The following FA2H variants were observed in gnomAD, a reference collection of about 807,000 sequenced individuals.
FA2H encodes fatty acid 2-hydroxylase.
FA2H carries 22 observed loss-of-function variants against 44.9 expected under a neutral mutation model. The ratio of observed to expected loss-of-function variants is 0.49; its 90% CI spans 0.35 to 0.70. The LOEUF is 0.70. FA2H is among the 30% of genes least tolerant of loss of function. The pLI is 0.01. For synonymous variants in FA2H, 243 were observed against 213.2 expected (o/e 1.14, Z -1.22); for missense variants, 501 against 504.9 (o/e 0.99, Z 0.07).
chr16:74,727,620 C>A (rs1961987074), intron 2 of FA2H, among the ~76,000 whole-genome samples: 1 of 152,210 alleles, frequency 6.6e-6, no homozygotes, highest in South Asian at 2.1e-4. Context: ...GTGTGATGAG[C>A]CATCAGATGA....
chr16:74,738,616 A>C (rs1036926309), intron 2 of FA2H, among the ~76,000 whole-genome samples: 1 of 152,120 alleles, frequency 6.6e-6, no homozygotes, highest in Non-Finnish European at 1.5e-5. Context: ...AAGCTCACAG[A>C]TGCCTCTCTC....
intron 1 of FA2H, among the ~76,000 whole-genome samples, chr16:74,740,964 C>T (rs142746605): frequency 1.2e-4 from 19 of 152,318 alleles, no homozygotes; most frequent in Admixed American, 3.3e-4. Flanking sequence ...GCAGCAACAC[C>T]CGAGTGCCAG....
chr16:74,773,317 T>A (rs759743335), intron 1 of FA2H, among the ~76,000 whole-genome samples: 5 of 151,768 alleles, frequency 3.3e-5, no homozygotes, highest in Non-Finnish European at 7.4e-5. Flanking sequence ...AATCTCTTCC[T>A]ATTGTTCTTA....
At chr16:74,754,087 G>A (rs75188585) in intron 1 of FA2H, among the ~76,000 whole-genome samples, 4,802 of 152,260 alleles carry the variant, frequency 0.032, 122 homozygotes, top group East Asian at 0.13. Flanking sequence ...TTGAGTGGCA[G>A]AAGTTGTTTA....
intron 1 of FA2H, among the ~76,000 whole-genome samples, chr16:74,755,072 T>G (rs1421523767): frequency 6.6e-6 from 1 of 152,004 alleles, no homozygotes; most frequent in Non-Finnish European, 1.5e-5. Flanking sequence ...AAGTGGATTC[T>G]TCCTCGCAGC....
chr16:74,774,601 G>A lies in FA2H; in HGVS notation c.155C>T (p.Ala52Val). 5.9e-6 allele frequency: 9 copies of A among 1,524,674 alleles called. No individual in the cohort carries two copies. The highest frequency in any genetic ancestry group is 7.9e-6 in the Non-Finnish European group (9 of 1,145,074). 94.4% of individuals were successfully genotyped at this position (1,524,674 alleles called of 1,614,324 possible). Reference protein sequence around the residue: ...HHPGGEQLLRARAGQDISADL... With the variant: ...HHPGGEQLLRVRAGQDISADL... ...GGCGCTGATGTCCTGGCCCGCCCTG[G>A]CCCGCAGCAGCTGCTCGCCCCCCGG... The change falls in exon 1 of 7, where the codon GCC becomes GTC. Residue 52 changes from alanine to valine, a missense_variant. By Grantham distance (64) the Ala-to-Val change is moderately conservative (BLOSUM62 0). Transcript: ENST00000219368.
chr16:74,774,538 G>A lies in FA2H; in HGVS notation c.218C>T (p.Ala73Val). The A allele has an allele frequency of 6.5e-7, 1 of 1,545,986 alleles. No individual in the cohort carries two copies. Residue 73 changes from alanine to valine, a missense_variant, in exon 1 of 7, where the codon GCG (alanine) becomes GTG (valine). Coordinates refer to ENST00000219368, the MANE Select transcript of FA2H (RefSeq NM_024306.5). ...DGPPHRHSANARRWLEQYYVG... is the reference protein window; with the variant it reads ...DGPPHRHSANVRRWLEQYYVG... ...GTAGTACTGCTCCAGCCAGCGGCGCGCGTTGGCCGAGTGCCTGTGCGGCGG... is the reference window on the plus strand; with the variant it reads ...GTAGTACTGCTCCAGCCAGCGGCGCACGTTGGCCGAGTGCCTGTGCGGCGG...
chr16:74,739,998 C>CCCCACT, intron 2 of FA2H, 25 bp downstream of exon 2: 1 of 1,563,846 alleles, frequency 6.4e-7, no homozygotes, highest in Non-Finnish European at 8.8e-7. Context: ...CCAGTCATCA[C>CCCCACT]CCCACTCCAT....
Position 74,714,069 on chromosome 16 carries a change from G to A in FA2H, c.*121C>T. The A allele has an allele frequency of 7.3e-6, 5 of 687,534 alleles. No individual in the cohort carries two copies. Among genetic ancestry groups the A allele is most frequent in the South Asian group, 6.7e-5 (4 of 59,752 alleles). 42.6% of individuals were successfully genotyped at this position (687,534 alleles called of 1,614,324 possible). A position where few individuals can be genotyped will look rare whatever the true frequency, so the allele number is the denominator to read the frequency against. On this transcript the variant is annotated 3_prime_UTR_variant, in exon 7 of 7. Transcript: ENST00000219368. ...CCTCAGCACCTTCCACTAGGCTGCA[G>A]GGCCGGACACAGCCCATCCTGCCTG... is the stretch of plus-strand genomic sequence containing the variant.
In FA2H at chr16:74,762,617, G is replaced by T. The variant is rs141813828; in HGVS notation, c.270+11869C>A. ...ACGATCTTGGCTCACTGCAACCTCC[G>T]CCTCCCTGGTTCAAGAATTTTCCTG... is the stretch of plus-strand genomic sequence containing the variant. On this transcript the variant is annotated intron_variant, in intron 1 of 6. Coordinates refer to ENST00000219368, the MANE Select transcript of FA2H (RefSeq NM_024306.5). 1.3e-3 allele frequency among the ~76,000 whole-genome samples: 200 copies of T among 152,154 alleles called. 4 individuals carry two copies. Among genetic ancestry groups the T allele is most frequent in the East Asian group, 0.012 (61 of 5,174 alleles).
intron 1 of FA2H, among the ~76,000 whole-genome samples, chr16:74,748,130 C>T (rs1410321979): frequency 6.6e-6 from 1 of 152,156 alleles, no homozygotes; most frequent in Non-Finnish European, 1.5e-5. Flanking sequence ...CAAATAGGTC[C>T]GTTCCTAGCC....
chr16:74,758,117 CT>C lies in FA2H; in HGVS notation c.270+16368del, dbSNP rs71378706. ...GGACTAGAGTGAGAGGGAAACAATTCTTTTTTTTTTTTTTTTTTTTTGAGAC... is the reference window on the plus strand; with the variant it reads ...GGACTAGAGTGAGAGGGAAACAATTCTTTTTTTTTTTTTTTTTTTTGAGAC... On this transcript the variant is annotated intron_variant, in intron 1 of 6. Coordinates refer to ENST00000219368, the MANE Select transcript of FA2H (RefSeq NM_024306.5). Among the ~76,000 whole-genome samples, 749 of 113,532 alleles carry C rather than the reference CT, an allele frequency of 6.6e-3. 6 individuals carry two copies. Among genetic ancestry groups the C allele is most frequent in the African/African-American group, 0.021 (581 of 27,620 alleles). The allele number at this position is 113,532 out of a possible 152,430, so 74.5% of individuals were successfully genotyped here. A position where few individuals can be genotyped will look rare whatever the true frequency, so the allele number is the denominator to read the frequency against.
intron 2 of FA2H, among the ~76,000 whole-genome samples, chr16:74,733,524 G>C (rs1962120038): frequency 6.6e-6 from 1 of 152,132 alleles, no homozygotes; most frequent in African/African-American, 2.4e-5. Context: ...CCTTGATTTA[G>C]GTGGTACATG....
chr16:74,716,713 G>A lies in FA2H; in HGVS notation c.787-114C>T, dbSNP rs912602937. ...CACAGCGGCCCAGACATTCCACTGC[G>A]TAGGCTTGGCACCTTTGGTGGCTTT... On this transcript the variant is annotated intron_variant, in intron 5 of 6. Transcript: ENST00000219368. 92 of 1,253,424 alleles carry A rather than the reference G, an allele frequency of 7.3e-5. 1 individual carries two copies. The Middle Eastern group carries it at 7.5e-4, about 10-fold the overall frequency. The allele number at this position is 1,253,424 out of a possible 1,614,324, so 77.6% of individuals were successfully genotyped here.
At chr16:74,722,262 A>G (rs1008326739) in intron 4 of FA2H, among the ~76,000 whole-genome samples, 14 of 152,192 alleles carry the variant, frequency 9.2e-5, no homozygotes, top group African/African-American at 3.4e-4. Context: ...TAGGCTGAAC[A>G]TGGGGGCTCA....
At chr16:74,769,696 A>G (rs527918342) in intron 1 of FA2H, among the ~76,000 whole-genome samples, 7 of 152,148 alleles carry the variant, frequency 4.6e-5, no homozygotes, top group Non-Finnish European at 1.0e-4. Flanking sequence ...TTCCTTGTCT[A>G]TTTCTTTTGT....
At chr16:74,755,468 C>G (rs1310307606) in intron 1 of FA2H, among the ~76,000 whole-genome samples, 1 of 152,164 alleles carries the variant, frequency 6.6e-6, no homozygotes, top group Non-Finnish European at 1.5e-5. Flanking sequence ...TTTAAGCCAT[C>G]CTGTGTACGG....
At chr16:74,752,264 A>C (rs4570874) in intron 1 of FA2H, among the ~76,000 whole-genome samples, 1 of 152,032 alleles carries the variant, frequency 6.6e-6, no homozygotes, top group Non-Finnish European at 1.5e-5. Flanking sequence ...GCCAGAGCTA[A>C]CTGATCAAAT....
intron 2 of FA2H, among the ~76,000 whole-genome samples, chr16:74,727,948 T>C (rs1961993697): frequency 6.6e-6 from 1 of 152,232 alleles, no homozygotes; most frequent in Admixed American, 6.5e-5. Context: ...TATATATATT[T>C]ATTTCTATGC....
Sources: gnomAD v4.1 joint callset for allele counts (sites outside exome capture counted in the v4.1 genomes callset) on GRCh38, gnomAD v4.1.1 for gene constraint, MANE v1.5 for transcripts, NCBI Gene and HGNC (gene_info 2026-07-23, HGNC 2026-07-21) for gene names.